The following TAS2R1 variants were observed in gnomAD, a reference collection of about 807,000 sequenced individuals.
TAS2R1 encodes the protein taste 2 receptor member 1, also known as taste receptor type 2 member 1.
For missense variants in TAS2R1, 370 were observed against 353.4 expected (o/e 1.05, Z -0.38); for synonymous variants, 141 against 134.2 (o/e 1.05, Z -0.35).
the TAS2R1 span, among the ~76,000 whole-genome samples, chr5:9,842,238 T>C: frequency 4.0e-5 from 6 of 151,702 alleles, no homozygotes; most frequent in Non-Finnish European, 5.9e-5. Context: ...TATTAAAAAA[T>C]AGTAAAGCCC....
chr5:9,793,470 C>A, the TAS2R1 span, among the ~76,000 whole-genome samples: 19 of 152,070 alleles, frequency 1.2e-4, no homozygotes, highest in Admixed American at 5.2e-4. Flanking sequence ...AATGGGAAAA[C>A]CTTAGGGACA....
At chr5:9,640,515 A>AC (rs1740058040) in intron 2 of TAS2R1, among the ~76,000 whole-genome samples, 3 of 150,672 alleles carry the variant, frequency 2.0e-5, no homozygotes, top group East Asian at 1.9e-4. Flanking sequence ...AAAAAAAAAA[A>AC]AAAAAAACAG....
the TAS2R1 span, among the ~76,000 whole-genome samples, chr5:9,807,772 T>A: frequency 6.6e-6 from 1 of 152,070 alleles, no homozygotes; most frequent in South Asian, 2.1e-4. Flanking sequence ...AGGGTAATGA[T>A]GAGAGGTAAG....
chr5:9,787,210 G>C, the TAS2R1 span, among the ~76,000 whole-genome samples: 1 of 152,116 alleles, frequency 6.6e-6, no homozygotes, highest in East Asian at 1.9e-4. Context: ...TAGGAAGTAT[G>C]TATCAGCTTC....
At chr5:9,654,654 G>A (rs903398540) in intron 2 of TAS2R1, among the ~76,000 whole-genome samples, 1 of 152,178 alleles carries the variant, frequency 6.6e-6, no homozygotes, top group Non-Finnish European at 1.5e-5. Flanking sequence ...CCTATTTGAT[G>A]AAGACAGTAT....
chr5:9,816,440 A>G, the TAS2R1 span, among the ~76,000 whole-genome samples: 2 of 152,184 alleles, frequency 1.3e-5, no homozygotes, highest in Admixed American at 6.5e-5. Flanking sequence ...AAAATGAAAA[A>G]TTACCAGGAA....
At chr5:9,784,178 A>G in the TAS2R1 span, among the ~76,000 whole-genome samples, 1 of 152,172 alleles carries the variant, frequency 6.6e-6, no homozygotes, top group Non-Finnish European at 1.5e-5. Context: ...TATAATTTTG[A>G]TTTGGAATAT....
chr5:9,784,305 A>T, the TAS2R1 span, among the ~76,000 whole-genome samples: 4,102 of 152,280 alleles, frequency 0.027, 57 homozygotes, highest in Non-Finnish European at 0.034. Flanking sequence ...AGAGGACACT[A>T]CTGAGAGCCC....
the TAS2R1 span, among the ~76,000 whole-genome samples, chr5:9,879,733 T>C: frequency 2.0e-5 from 3 of 152,210 alleles, no homozygotes; most frequent in Admixed American, 6.5e-5. Context: ...AACTAGAATA[T>C]ACCAATGAGG....
At chr5:9,895,068 C>G in the TAS2R1 span, among the ~76,000 whole-genome samples, 5 of 152,194 alleles carry the variant, frequency 3.3e-5, no homozygotes. Context: ...GTCTGAGTAG[C>G]CCAGTGCAGC....
the TAS2R1 span, among the ~76,000 whole-genome samples, chr5:9,743,505 G>C: frequency 6.6e-6 from 1 of 152,176 alleles, no homozygotes; most frequent in East Asian, 1.9e-4. Flanking sequence ...AAGATTTCTG[G>C]ATGGAAACAG....
chr5:9,735,871 A>G, the TAS2R1 span, among the ~76,000 whole-genome samples: 2 of 152,328 alleles, frequency 1.3e-5, no homozygotes, highest in South Asian at 4.1e-4. Flanking sequence ...AACCTATAAC[A>G]ATCATCTTTC....
chr5:9,872,173 A>AATATTATCTGC, the TAS2R1 span, among the ~76,000 whole-genome samples: 1 of 152,214 alleles, frequency 6.6e-6, no homozygotes, highest in Non-Finnish European at 1.5e-5. Context: ...ATTAAAGCAA[A>AATATTATCTGC]ATATTATCTG....
upstream of TAS2R1, among the ~76,000 whole-genome samples, chr5:9,633,303 TATATATATATA>T (rs1739908394): frequency 7.9e-6 from 1 of 126,974 alleles, no homozygotes; most frequent in African/African-American, 3.8e-5. Context: ...ATTATATATA[TATATATATATA>T]TATATACACA....
At chr5:9,876,516 C>T in the TAS2R1 span, among the ~76,000 whole-genome samples, 1 of 152,152 alleles carries the variant, frequency 6.6e-6, no homozygotes, top group Non-Finnish European at 1.5e-5. Flanking sequence ...TTTGTCTAAT[C>T]CTAAAGCAAA....
chr5:9,661,278 A>T (rs1579772552), intron 1 of TAS2R1, among the ~76,000 whole-genome samples: 4 of 152,034 alleles, frequency 2.6e-5, no homozygotes, highest in African/African-American at 9.7e-5. Flanking sequence ...ATCCTCTATA[A>T]CCTTTTATAC....
At chr5:9,840,468 C>T in the TAS2R1 span, among the ~76,000 whole-genome samples, 2 of 152,196 alleles carry the variant, frequency 1.3e-5, no homozygotes, top group Non-Finnish European at 2.9e-5. Context: ...AAGATTAGGG[C>T]ATGCACTCTT....
At chr5:9,820,756 T>G in the TAS2R1 span, among the ~76,000 whole-genome samples, 1 of 152,164 alleles carries the variant, frequency 6.6e-6, no homozygotes, top group Non-Finnish European at 1.5e-5. Context: ...AAATTCCTCC[T>G]GAAAACAAAA....
Position 9,652,307 on chromosome 5 carries a change from C to T in TAS2R1, c.-81+7114G>A, listed in dbSNP as rs559535153. Among the ~76,000 whole-genome samples the T allele has an allele frequency of 3.3e-5, 5 of 152,292 alleles. No individual in the cohort carries two copies. In the South Asian group the frequency reaches 1.0e-3, roughly 32 times the overall value. The stretch of plus-strand genomic sequence containing the variant: ...AGTTCTCATGAGTATCTGAGCAGCT[C>T]TTTTTCCTGGAAACACAGCTGAACA... On this transcript the variant is annotated intron_variant, in intron 2 of 2. Coordinates refer to the TAS2R1 transcript ENST00000506620.
Sources: allele counts gnomAD v4.1 joint callset (sites outside exome capture counted in the v4.1 genomes callset), GRCh38; gene constraint gnomAD v4.1.1; transcripts MANE v1.5; gene names NCBI Gene and HGNC (gene_info 2026-07-23, HGNC 2026-07-21).